The following FAM53B variants were observed in gnomAD, a reference collection of about 807,000 sequenced individuals.
FAM53B encodes family with sequence similarity 53 member B, also known as protein FAM53B.
Under a neutral mutation model 32.7 loss-of-function variants are expected in FAM53B, and 12 were observed. The ratio of observed to expected loss-of-function variants is 0.37; its 90% CI spans 0.24 to 0.59. FAM53B has a LOEUF of 0.59. Among genes scored for constraint, FAM53B ranks in the 20% least tolerant of loss-of-function variants. The probability of loss-of-function intolerance (pLI) is 0.72; values close to 1 mark genes in which losing one functional copy is unlikely to be tolerated. For synonymous variants in FAM53B, 234 were observed against 228.7 expected (o/e 1.02, Z -0.21); for missense variants, 477 against 577.7 (o/e 0.83, Z 1.79).
intron 4 of FAM53B, among the ~76,000 whole-genome samples, chr10:124,636,876 C>T (rs552748198): frequency 1.3e-4 from 19 of 151,786 alleles, no homozygotes; most frequent in African/African-American, 4.4e-4. Context: ...GTTTTCACAC[C>T]CACCAAGCAG....
At chr10:124,658,607 A>G (rs1949610640) in intron 4 of FAM53B, among the ~76,000 whole-genome samples, 1 of 152,232 alleles carries the variant, frequency 6.6e-6, no homozygotes, top group Non-Finnish European at 1.5e-5. Flanking sequence ...GTCCTGGAGA[A>G]CAGCAAACTA....
chr10:124,699,814 C>T (rs1238381347), intron 2 of FAM53B, among the ~76,000 whole-genome samples: 1 of 152,200 alleles, frequency 6.6e-6, no homozygotes, highest in Non-Finnish European at 1.5e-5. Flanking sequence ...GGGGCTGATC[C>T]GCCCAGGAAG....
chr10:124,699,619 C>T (rs1368257601), intron 2 of FAM53B, among the ~76,000 whole-genome samples: 1 of 152,264 alleles, frequency 6.6e-6, no homozygotes, highest in East Asian at 1.9e-4. Flanking sequence ...CCCAGTGGTG[C>T]GGCCCCCTTC....
At chr10:124,647,424 C>T (rs938874974) in intron 4 of FAM53B, among the ~76,000 whole-genome samples, 3 of 152,172 alleles carry the variant, frequency 2.0e-5, no homozygotes, top group Admixed American at 6.5e-5. Context: ...GAGTGTTGAT[C>T]TGTACATTTT....
chr10:124,728,353 T>A (rs962795146), intron 1 of FAM53B, among the ~76,000 whole-genome samples: 1 of 152,236 alleles, frequency 6.6e-6, no homozygotes. Flanking sequence ...GCACCCATTC[T>A]ATGGAGGAAA....
intron 4 of FAM53B, among the ~76,000 whole-genome samples, chr10:124,631,052 C>A (rs898699523): frequency 7.2e-5 from 11 of 152,344 alleles, no homozygotes; most frequent in African/African-American, 2.6e-4. Flanking sequence ...GGCGGCCAGT[C>A]CAGGCCACGC....
intron 4 of FAM53B, among the ~76,000 whole-genome samples, chr10:124,677,678 G>T (rs1369084478): frequency 2.0e-5 from 3 of 152,206 alleles, no homozygotes; most frequent in Non-Finnish European, 2.9e-5. Context: ...TTGGCACTGG[G>T]GTTTTCAGAA....
rs914266042 is a variant in FAM53B, at chr10:124,631,845, G to A, written c.907-8241C>T. ...TTCTCTCCCACCAAAACCCGCCTCT[G>A]CAGCAGCCACTCCGGAAGCAGGCCC... On this transcript the variant is annotated intron_variant, in intron 4 of 4. Transcript: ENST00000337318. 2.0e-5 allele frequency among the ~76,000 whole-genome samples: 3 copies of A among 152,136 alleles called. No individual in the cohort carries two copies. The East Asian group carries it at 5.8e-4, about 29-fold the overall frequency.
intron 1 of FAM53B, among the ~76,000 whole-genome samples, chr10:124,741,038 A>G (rs1050282434): frequency 1.3e-5 from 2 of 152,242 alleles, no homozygotes; most frequent in African/African-American, 4.8e-5. Flanking sequence ...ATTCTCCCCT[A>G]AAGTTAAATC....
chr10:124,733,829 C>A lies in FAM53B; in HGVS notation c.-175+10184G>T, dbSNP rs1950160012. On this transcript the variant is annotated intron_variant, in intron 1 of 4. Transcript: ENST00000337318. The surrounding 1 kb of genome is among the most constrained non-coding windows in gnomAD (Gnocchi z 4.3). ...CCCCGAAGGTGGGCTTTCTCCCAGC[C>A]CTTCGCCCTTCCCTTTACTGCCATC... Among the ~76,000 whole-genome samples the A allele has an allele frequency of 6.6e-6, 1 of 152,194 alleles. No individual in the cohort carries two copies. Among genetic ancestry groups the A allele is most frequent in the South Asian group, 2.1e-4 (1 of 4,836 alleles).
At position 124,623,508 on chromosome 10, in the gene FAM53B, C is replaced by T. The variant is rs1210415389; in HGVS notation, c.1003G>A (p.Ala335Thr). 1 of 1,593,940 alleles carries T rather than the reference C, an allele frequency of 6.3e-7. No individual in the cohort carries two copies. The highest frequency in any genetic ancestry group is 8.5e-7 in the Non-Finnish European group (1 of 1,171,056). Residue 335 changes from alanine to threonine, a missense_variant, in exon 5 of 5, where the codon GCC becomes ACC. Physicochemically the swap from Ala to Thr is moderately conservative, Grantham distance 58 (BLOSUM62 0). Transcript: ENST00000337318. Reference protein sequence around the residue: ...PFARHVSNTRAWTALLSASGP... With the variant: ...PFARHVSNTRTWTALLSASGP... ...GAGGCTGAGAGCAGGGCGGTCCAGG[C>T]CCTGGTGTTGCTGACGTGGCGGGCG...
At chr10:124,706,403 C>T (rs1016524903) in intron 2 of FAM53B, among the ~76,000 whole-genome samples, 1 of 152,208 alleles carries the variant, frequency 6.6e-6, no homozygotes, top group Non-Finnish European at 1.5e-5. Flanking sequence ...GATGGCCTCC[C>T]CTCCTCATTC....
chr10:124,658,296 G>T (rs1376651330), intron 4 of FAM53B, among the ~76,000 whole-genome samples: 2 of 152,198 alleles, frequency 1.3e-5, no homozygotes, highest in African/African-American at 4.8e-5. Flanking sequence ...GCCACCCAAG[G>T]AGGTTTCAGG....
chr10:124,672,900 C>T (rs1050325290), intron 4 of FAM53B, among the ~76,000 whole-genome samples: 3 of 152,178 alleles, frequency 2.0e-5, no homozygotes, highest in African/African-American at 7.2e-5. Context: ...GATTTCAGTT[C>T]TACTGAGAAC....
chr10:124,738,360 A>AT lies in FAM53B; in HGVS notation c.-175+5652dup, dbSNP rs112982778. Among the ~76,000 whole-genome samples the AT allele has an allele frequency of 3.5e-3, 499 of 143,754 alleles. 1 individual carries two copies. Among genetic ancestry groups the AT allele is most frequent in the African/African-American group, 0.011 (415 of 39,282 alleles). The allele number at this position is 143,754 out of a possible 152,430, so 94.3% of individuals were successfully genotyped here. ...GCCTGAATGCAGCCTGGGCATCTGG[A>AT]TTTTTTTTTTTTTCCAACCTTCCCA... On this transcript the variant is annotated intron_variant, in intron 1 of 4. Transcript: ENST00000337318.
chr10:124,696,391 T>G (rs959040646), intron 2 of FAM53B, among the ~76,000 whole-genome samples, 179 bp from the exon 3 acceptor site: 12 of 152,140 alleles, frequency 7.9e-5, no homozygotes, highest in Admixed American at 6.5e-4. Flanking sequence ...AGGCCCAGAT[T>G]TTTTGTCCCA....
intron 1 of FAM53B, among the ~76,000 whole-genome samples, chr10:124,724,987 A>G (rs183006893): frequency 6.6e-6 from 1 of 152,352 alleles, no homozygotes; most frequent in East Asian, 1.9e-4. Context: ...AAAACCACAC[A>G]GAAACGCTCC....
At chr10:124,693,465 T>TC (rs1949848649) in intron 3 of FAM53B, among the ~76,000 whole-genome samples, 1 of 131,754 alleles carries the variant, frequency 7.6e-6, no homozygotes, top group South Asian at 2.4e-4. Context: ...AGACTCTGTC[T>TC]CAAAAAAAAA....
chr10:124,639,010 A>G (rs766508892), intron 4 of FAM53B, among the ~76,000 whole-genome samples: 3 of 152,150 alleles, frequency 2.0e-5, no homozygotes, highest in Non-Finnish European at 4.4e-5. Context: ...CTGGAGGCAA[A>G]CCAAATACTG....
Sources: allele counts gnomAD v4.1 joint callset (sites outside exome capture counted in the v4.1 genomes callset), GRCh38; gene constraint gnomAD v4.1.1; non-coding constraint Gnocchi (gnomAD v3.1); transcripts MANE v1.5; gene names NCBI Gene and HGNC (gene_info 2026-07-23, HGNC 2026-07-21).